The following TXK variants were observed in gnomAD, a reference collection of about 807,000 sequenced individuals.
TXK encodes the protein TXK tyrosine kinase, also known as tyrosine-protein kinase TXK.
In TXK, 60 loss-of-function variants were observed where a neutral mutation model predicts 81.0. The observed-to-expected ratio is 0.74, with a 90% CI of 0.60 to 0.92. The LOEUF (loss-of-function observed/expected upper bound fraction) is 0.92, where lower values mean the gene tolerates loss of function less well. Ranked by LOEUF, TXK falls within the 40% of genes least tolerant of loss-of-function variation. TXK has a pLI of 0.00. For missense variants in TXK, 581 were observed against 638.3 expected (o/e 0.91, Z 0.97); for synonymous variants, 203 against 210.7 (o/e 0.96, Z 0.32).
chr4:48,079,164 G>A (rs1717193738), intron 11 of TXK, among the ~76,000 whole-genome samples: 1 of 152,120 alleles, frequency 6.6e-6, no homozygotes, highest in African/African-American at 2.4e-5. Context: ...AACTAACTTT[G>A]GGAGGAATTT....
At chr4:48,125,369 T>C (rs1432351338) in intron 1 of TXK, among the ~76,000 whole-genome samples, 7 of 152,214 alleles carry the variant, frequency 4.6e-5, no homozygotes, top group Admixed American at 1.3e-4. Context: ...ACTCACAAAA[T>C]ACATTTAAGG....
chr4:48,104,291 TATATA>T (rs1289019709), intron 6 of TXK, among the ~76,000 whole-genome samples: 1 of 14,388 alleles, frequency 7.0e-5, no homozygotes, highest in Non-Finnish European at 9.4e-5. Flanking sequence ...ATATATATAA[TATATA>T]ATATAATATA....
At chr4:48,091,802 G>C (rs1250485301) in intron 8 of TXK, among the ~76,000 whole-genome samples, 1 of 152,142 alleles carries the variant, frequency 6.6e-6, no homozygotes, top group African/African-American at 2.4e-5. Context: ...ACTGCACCCA[G>C]CCAGATTTAC....
chr4:48,100,136 C>T (rs1464536026), intron 6 of TXK, among the ~76,000 whole-genome samples: 1 of 134,208 alleles, frequency 7.5e-6, no homozygotes, highest in African/African-American at 2.8e-5. Context: ...CGCGCCACAG[C>T]ACTCCCGCCT....
At chr4:48,111,242 T>C (rs572252566) in intron 4 of TXK, among the ~76,000 whole-genome samples, 32 of 152,316 alleles carry the variant, frequency 2.1e-4, no homozygotes, top group Non-Finnish European at 4.3e-4. Flanking sequence ...AGACATATTA[T>C]TGAGAAATAA....
intron 1 of TXK, among the ~76,000 whole-genome samples, chr4:48,131,056 A>C (rs572837015): frequency 6.6e-6 from 1 of 152,328 alleles, no homozygotes; most frequent in Admixed American, 6.5e-5. Context: ...CCTGTCCTTT[A>C]AATAACTCTT....
rs200989388 is a variant in TXK, at chr4:48,104,967, A to G, written c.447-12T>C. On this transcript the variant is annotated splice_polypyrimidine_tract_variant and intron_variant, in intron 5 of 14. Coordinates refer to ENST00000264316, the MANE Select transcript of TXK (RefSeq NM_003328.3). ...TTCTATGGTACCACCTGTAAAAGCA[A>G]TAAAAATGATTTTTAAATTTTATAT... The G allele has an allele frequency of 8.9e-6, 14 of 1,569,402 alleles. No individual in the cohort carries two copies. In the East Asian group the frequency reaches 2.3e-4, roughly 26 times the overall value.
At chr4:48,074,108 C>T (rs994294646) in intron 12 of TXK, 55 bp from the exon 13 acceptor site, 3 of 1,329,884 alleles carry the variant, frequency 2.3e-6, no homozygotes, top group Non-Finnish European at 3.2e-6. Context: ...GCTCTATTTA[C>T]TTCAAATCCC....
chr4:48,092,920 C>T (rs563380029), intron 8 of TXK, among the ~76,000 whole-genome samples: 1 of 152,296 alleles, frequency 6.6e-6, no homozygotes, highest in East Asian at 1.9e-4. Context: ...GTAAAGGAGT[C>T]TTGAGAATGG....
chr4:48,094,029 T>A, intron 8 of TXK, 48 bp downstream of exon 8: 1 of 1,612,048 alleles, frequency 6.2e-7, no homozygotes, highest in Non-Finnish European at 8.5e-7. Context: ...GCATTGCCCA[T>A]CAAGGGCATG....
chr4:48,084,138 G>A (rs1397922119), intron 10 of TXK, among the ~76,000 whole-genome samples: 1 of 152,146 alleles, frequency 6.6e-6, no homozygotes, highest in African/African-American at 2.4e-5. Context: ...CACTCAGGCT[G>A]GAGTGCAGTG....
At chr4:48,073,548 G>A (rs1255458841) in intron 13 of TXK, among the ~76,000 whole-genome samples, 1 of 152,130 alleles carries the variant, frequency 6.6e-6, no homozygotes, top group Non-Finnish European at 1.5e-5. Context: ...CTGAACAACT[G>A]GAAAATAGTC....
chr4:48,080,373 G>C (rs1464378788), intron 10 of TXK, among the ~76,000 whole-genome samples: 1 of 152,102 alleles, frequency 6.6e-6, no homozygotes, highest in Non-Finnish European at 1.5e-5. Flanking sequence ...TATTCTACGC[G>C]TAAGCATTTT....
intron 10 of TXK, among the ~76,000 whole-genome samples, chr4:48,081,676 T>C (rs1440770673): frequency 6.6e-6 from 1 of 152,202 alleles, no homozygotes; most frequent in Non-Finnish European, 1.5e-5. Flanking sequence ...CATATCATTT[T>C]GATCACTCTC....
intron 10 of TXK, among the ~76,000 whole-genome samples, chr4:48,083,769 G>A (rs1717401675): frequency 6.6e-6 from 1 of 152,208 alleles, no homozygotes; most frequent in African/African-American, 2.4e-5. Context: ...TATTATTAGA[G>A]AGCTTGCATG....
intron 10 of TXK, among the ~76,000 whole-genome samples, chr4:48,083,259 C>CAGG: frequency 6.6e-6 from 1 of 152,316 alleles, no homozygotes; most frequent in East Asian, 1.9e-4. Context: ...GCTCCCCATC[C>CAGG]TGTAAAAGGT....
intron 10 of TXK, 108 bp downstream of exon 10, chr4:48,086,358 T>G (rs1717529381): frequency 6.0e-5 from 69 of 1,155,826 alleles, no homozygotes; most frequent in South Asian, 2.2e-4. Flanking sequence ...ACAATGAGCT[T>G]GAGCAAAGTT....
chr4:48,122,222 C>T (rs1160178097), intron 1 of TXK, among the ~76,000 whole-genome samples: 1 of 152,182 alleles, frequency 6.6e-6, no homozygotes, highest in Non-Finnish European at 1.5e-5. Flanking sequence ...CCACAAGAGC[C>T]TATAAAATGC....
At chr4:48,133,361 G>T (rs1719294897) in intron 1 of TXK, among the ~76,000 whole-genome samples, 1 of 151,668 alleles carries the variant, frequency 6.6e-6, no homozygotes, top group Non-Finnish European at 1.5e-5. Flanking sequence ...TTTTAATGAT[G>T]GTCTTATATT....
Sources: allele counts gnomAD v4.1 joint callset (sites outside exome capture counted in the v4.1 genomes callset), GRCh38; gene constraint gnomAD v4.1.1; transcripts MANE v1.5; gene names NCBI Gene and HGNC (gene_info 2026-07-23, HGNC 2026-07-21).